The following SPAST variants were observed in gnomAD, a reference collection of about 807,000 sequenced individuals.
The protein encoded by SPAST is spastic paraplegia 4 (autosomal dominant; spastin).
Under a neutral mutation model 76.6 loss-of-function variants are expected in SPAST, and 30 were observed. That is an observed-to-expected ratio of 0.39 (90% CI 0.29 to 0.53). SPAST has a LOEUF of 0.53. Ranked by LOEUF, SPAST falls within the 20% of genes least tolerant of loss-of-function variation. SPAST has a pLI of 0.68. For synonymous variants in SPAST, 305 were observed against 281.0 expected (o/e 1.09, Z -0.86); for missense variants, 717 against 770.5 (o/e 0.93, Z 0.82).
chr2:32,066,304 A>C lies in SPAST; in HGVS notation c.415+2058A>C, dbSNP rs1456822018. On this transcript the variant is annotated intron_variant, in intron 1 of 16. Coordinates refer to ENST00000315285, the MANE Select transcript of SPAST (RefSeq NM_014946.4). Reference sequence around the variant, plus strand: ...GCTCCATTCTTTATCACCTCTTAAGAACATCCAGGATCCCTTGGGGAGAAT... The same window carrying C: ...GCTCCATTCTTTATCACCTCTTAAGCACATCCAGGATCCCTTGGGGAGAAT... Among the ~76,000 whole-genome samples, 5 of 152,086 alleles carry C rather than the reference A, an allele frequency of 3.3e-5. No individual in the cohort carries two copies. The East Asian group carries it at 9.6e-4, about 29-fold the overall frequency.
intron 1 of SPAST, among the ~76,000 whole-genome samples, chr2:32,075,492 A>AG (rs1205469582): frequency 2.0e-5 from 3 of 149,614 alleles, no homozygotes; most frequent in East Asian, 1.9e-4. Flanking sequence ...AAAAAAAAAA[A>AG]AGAGATGGAA....
At chr2:32,081,116 G>A (rs565486165) in intron 1 of SPAST, among the ~76,000 whole-genome samples, 13 of 152,110 alleles carry the variant, frequency 8.5e-5, no homozygotes, top group Admixed American at 6.6e-4. Flanking sequence ...GCGCCACCAC[G>A]CCTAGCTAAT....
At chr2:32,146,215 A>C (rs1415399511) in intron 15 of SPAST, among the ~76,000 whole-genome samples, 6 of 152,220 alleles carry the variant, frequency 3.9e-5, no homozygotes, top group African/African-American at 1.4e-4. Flanking sequence ...CGTTTTGGCT[A>C]TTCTAAGGTA....
intron 1 of SPAST, among the ~76,000 whole-genome samples, chr2:32,075,599 G>A (rs1343660603): frequency 3.1e-5 from 4 of 128,698 alleles, no homozygotes; most frequent in African/African-American, 1.2e-4. Context: ...ACCCAGGCTG[G>A]ACTGCAGTGG....
At chr2:32,075,697 A>T (rs1230629849) in intron 1 of SPAST, among the ~76,000 whole-genome samples, 2 of 149,308 alleles carry the variant, frequency 1.3e-5, no homozygotes, top group Non-Finnish European at 3.0e-5. Context: ...CTACAGGCAC[A>T]TGGCACCATG....
chr2:32,128,530 T>C (rs780278139), intron 9 of SPAST, 51 bp downstream of exon 9: 1 of 1,155,826 alleles, frequency 8.7e-7, no homozygotes, highest in Non-Finnish European at 1.3e-6. Context: ...TGTCTAAATG[T>C]TACTGTGTTA....
At chr2:32,144,858 TG>T in intron 14 of SPAST, 78 bp from the exon 15 acceptor site, 1 of 916,968 alleles carries the variant, frequency 1.1e-6, no homozygotes, top group Non-Finnish European at 1.8e-6. Context: ...CACTCCAGCC[TG>T]GGCAACAAGA....
Position 32,137,075 on chromosome 2 carries a change from C to T in SPAST, c.1414-34C>T, listed in dbSNP as rs558596516. On this transcript the variant is annotated intron_variant, in intron 11 of 16. Coordinates refer to ENST00000315285, the MANE Select transcript of SPAST (RefSeq NM_014946.4). ...TATCTTTATATTTGTTATTACTTTT[C>T]TAAATGAATTGAAAAAAGATTTTTT... 3.1e-6 allele frequency: 5 copies of T among 1,587,390 alleles called. No homozygotes were observed. In the South Asian group the frequency reaches 4.4e-5, roughly 14 times the overall value.
At chr2:32,064,378 G>C (rs894076828) in intron 1 of SPAST, 132 bp downstream of exon 1, 3 of 821,774 alleles carry the variant, frequency 3.7e-6, no homozygotes, top group Middle Eastern at 3.6e-4. Flanking sequence ...TGCCCCGGGA[G>C]ACTGCTTTCC....
chr2:32,074,052 T>A (rs1404834307), intron 1 of SPAST, among the ~76,000 whole-genome samples: 1 of 152,154 alleles, frequency 6.6e-6, no homozygotes, highest in African/African-American at 2.4e-5. Flanking sequence ...CACACATATG[T>A]AATAACCATG....
chr2:32,116,849 T>G (rs1186554124), intron 7 of SPAST, among the ~76,000 whole-genome samples: 1 of 152,100 alleles, frequency 6.6e-6, no homozygotes, highest in Non-Finnish European at 1.5e-5. Context: ...ACGCTTGTAG[T>G]CCCAACTACT....
rs1553315355 is a variant in SPAST at position 32,116,205 on chromosome 2, G to T, written c.1091G>T (p.Arg364Met). The change falls in exon 7 of 17, where the codon AGG becomes ATG. Residue 364 changes from arginine (R) to methionine (M), a missense_variant. By Grantham distance (91) the Arg-to-Met change is moderately conservative (BLOSUM62 -1). Around this residue, in one of 3 missense-constraint regions of SPAST, gnomAD observed 78 missense variants for 197.6 expected, o/e 0.39. Coordinates refer to ENST00000315285, the MANE Select transcript of SPAST (RefSeq NM_014946.4). ...LQEIVILPSL[R>M]PELFTGLRAP... ...GAAATTGTTATTCTTCCTTCTCTGAGGCCTGAGGTAAGAACTTTATATTAT... is the reference window on the plus strand; with the variant it reads ...GAAATTGTTATTCTTCCTTCTCTGATGCCTGAGGTAAGAACTTTATATTAT... 1.2e-6 allele frequency: 2 copies of T among 1,609,238 alleles called. No individual in the cohort carries two copies. The highest frequency in any genetic ancestry group is 1.7e-6 in the Non-Finnish European group (2 of 1,175,888).
In SPAST at chr2:32,115,817, T is replaced by C. The variant is rs1678810757; in HGVS notation, c.986T>C (p.Met329Thr). ...GACAGCAACCTTGCTAACCTTATAA[T>C]GAATGAAATTGTGGACAAGTAAGTT... is the stretch of plus-strand genomic sequence containing the variant. ...NVDSNLANLI[M>T]NEIVDNGTAV... Residue 329 changes from methionine to threonine, a missense_variant, in exon 6 of 17, where the codon ATG becomes ACG. Physicochemically the swap from Met to Thr is moderately conservative, Grantham distance 81 (BLOSUM62 -1). Transcript: ENST00000315285. 6.2e-7 allele frequency: 1 copy of C among 1,609,444 alleles called. No homozygotes were observed. Among genetic ancestry groups the C allele is most frequent in the Non-Finnish European group, 8.5e-7 (1 of 1,177,284 alleles).
chr2:32,126,935 A>G lies in SPAST; in HGVS notation c.1099-13A>G, dbSNP rs1176571879. On this transcript the variant is annotated splice_polypyrimidine_tract_variant and intron_variant, in intron 7 of 16. Coordinates refer to ENST00000315285, the MANE Select transcript of SPAST (RefSeq NM_014946.4). ...TAGAATCATAGTTGTAAACTAAAGT[A>G]TATATTTTTTAGTTGTTCACAGGGC... The G allele has an allele frequency of 2.5e-6, 4 of 1,573,936 alleles. No homozygotes were observed. In the South Asian group the frequency reaches 4.4e-5, roughly 17 times the overall value.
chr2:32,071,794 G>A (rs536626156), intron 1 of SPAST, among the ~76,000 whole-genome samples: 1 of 152,188 alleles, frequency 6.6e-6, no homozygotes, highest in Non-Finnish European at 1.5e-5. Flanking sequence ...TAGCTACCAA[G>A]GTTTTTATTG....
intron 1 of SPAST, among the ~76,000 whole-genome samples, chr2:32,074,357 G>A (rs1676867318): frequency 6.6e-6 from 1 of 152,120 alleles, no homozygotes; most frequent in African/African-American, 2.4e-5. Context: ...AGACATAATT[G>A]TAGAGTGGTC....
chr2:32,116,718 C>T (rs548295238), intron 7 of SPAST, among the ~76,000 whole-genome samples: 2 of 152,192 alleles, frequency 1.3e-5, no homozygotes, highest in East Asian at 1.9e-4. Flanking sequence ...CCACCCATTT[C>T]GGCCTCCCAG....
intron 4 of SPAST, 77 bp downstream of exon 4, chr2:32,098,968 A>G (rs1392623247): frequency 1.1e-6 from 1 of 950,752 alleles, no homozygotes; most frequent in African/African-American, 1.6e-5. Context: ...GATAATGTTG[A>G]TTTGATTTTA....
At chr2:32,073,709 C>T (rs1333418699) in intron 1 of SPAST, among the ~76,000 whole-genome samples, 2 of 152,046 alleles carry the variant, frequency 1.3e-5, no homozygotes, top group Admixed American at 6.6e-5. Flanking sequence ...TTTTTTCTCT[C>T]GTTTGTGAAT....
Sources: allele counts gnomAD v4.1 joint callset (sites outside exome capture counted in the v4.1 genomes callset), GRCh38; gene constraint gnomAD v4.1.1; regional missense constraint gnomAD v4.1.1; transcripts MANE v1.5; gene names NCBI Gene and HGNC (gene_info 2026-07-23, HGNC 2026-07-21).